KIF13A: variants seen among roughly 807,000 people sequenced by gnomAD.
KIF13A encodes kinesin family member 13A, also known as kinesin-like protein KIF13A.
In KIF13A, 79 loss-of-function variants were observed where a neutral mutation model predicts 212.2. The observed-to-expected ratio is 0.37, with a 90% CI of 0.31 to 0.45. KIF13A has a LOEUF of 0.45. KIF13A is among the 20% of genes least tolerant of loss of function. The probability of loss-of-function intolerance (pLI) is 1.00; values close to 1 mark genes in which losing one functional copy is unlikely to be tolerated. For synonymous variants in KIF13A, 789 were observed against 808.6 expected (o/e 0.98, Z 0.41); for missense variants, 1,901 against 2,209.0 (o/e 0.86, Z 2.79).
In KIF13A at chr6:17,850,496, CA is replaced by C. The variant is rs765217941; in HGVS notation, c.583-40del. The C allele has an allele frequency of 4.4e-6, 7 of 1,579,776 alleles. No individual in the cohort carries two copies. In the Admixed American group the frequency reaches 5.5e-5, roughly 12 times the overall value. On this transcript the variant is annotated intron_variant, in intron 7 of 38. Transcript: ENST00000259711. This position sits in a 1 kb window ranked among gnomAD's most constrained non-coding sequence, Gnocchi z 6.2. Reference sequence around the variant, plus strand: ...ATAAGGAAAAGACCATAAGCAAAAACACAAGAATGTAGTCCTGCACACCAGG... The same window carrying C: ...ATAAGGAAAAGACCATAAGCAAAAACCAAGAATGTAGTCCTGCACACCAGG...
At chr6:17,949,153 T>C (rs1777661098) in intron 2 of KIF13A, among the ~76,000 whole-genome samples, 1 of 152,164 alleles carries the variant, frequency 6.6e-6, no homozygotes, top group African/African-American at 2.4e-5. Context: ...CATTACAAAT[T>C]TGCATTAGTC....
In KIF13A at chr6:17,828,284, A is replaced by G. The variant is rs750528361; in HGVS notation, c.1488T>C (p.Ile496=). ...TGAGAGTGACGTCTCCATCAGATGC[A>G]ATGTCAATCTCACAGTGCTGAGGCT... The part of the protein sequence containing the change: ...GIQPQHCEID[I]ASDGDVTLTP... The change falls in exon 14 of 39, where the codon ATT becomes ATC. Residue 496 remains isoleucine, a synonymous_variant. Transcript: ENST00000259711. This position sits in a 1 kb window ranked among gnomAD's most constrained non-coding sequence, Gnocchi z 4.3. The G allele has an allele frequency of 8.9e-5, 143 of 1,610,268 alleles. No individual in the cohort carries two copies. Among genetic ancestry groups the G allele is most frequent in the Non-Finnish European group, 1.2e-4 (142 of 1,178,074 alleles).
At chr6:17,911,273 T>C (rs974371062) in intron 2 of KIF13A, among the ~76,000 whole-genome samples, 1 of 152,170 alleles carries the variant, frequency 6.6e-6, no homozygotes, top group African/African-American at 2.4e-5. Context: ...GACTGAGGGG[T>C]GAAACCCAGA....
At position 17,839,004 on chromosome 6, in the gene KIF13A, G is replaced by A. The variant is rs1190140008; in HGVS notation, c.831-1421C>T. On this transcript the variant is annotated intron_variant, in intron 9 of 38. Coordinates refer to ENST00000259711, the MANE Select transcript of KIF13A (RefSeq NM_022113.6). The surrounding 1 kb of genome is among the most constrained non-coding windows in gnomAD (Gnocchi z 4.3). ...CTGGCTGATTTTTGTATTTTTAGTAGAGATGGAGTTTCACAATGTTGCCCA... is the reference window on the plus strand; with the variant it reads ...CTGGCTGATTTTTGTATTTTTAGTAAAGATGGAGTTTCACAATGTTGCCCA... Among the ~76,000 whole-genome samples the A allele has an allele frequency of 6.6e-6, 1 of 152,150 alleles. No homozygotes were observed. The highest frequency in any genetic ancestry group is 1.5e-5 in the Non-Finnish European group (1 of 68,022).
At position 17,776,634 on chromosome 6, in the gene KIF13A, G is replaced by A. The variant is rs1760005193; in HGVS notation, c.4170+643C>T. On this transcript the variant is annotated intron_variant, in intron 34 of 38. Transcript: ENST00000259711. This position sits in a 1 kb window ranked among gnomAD's most constrained non-coding sequence, Gnocchi z 4.6. ...TTTAAATAATTTTCTGGCAATTCTA[G>A]AGAACAGGAAGGCAAATAAGCCTGT... 2.0e-5 allele frequency among the ~76,000 whole-genome samples: 3 copies of A among 152,288 alleles called. No individual in the cohort carries two copies. Among genetic ancestry groups the A allele is most frequent in the African/African-American group, 7.2e-5 (3 of 41,550 alleles).
chr6:17,794,562 A>C lies in KIF13A; in HGVS notation c.3075+10T>G. The stretch of plus-strand genomic sequence containing the variant: ...AAACATTAAAAAAAAACCCAAAACA[A>C]ACTCAGTACCTGTCTAAGTTGAAAG... On this transcript the variant is annotated intron_variant, in intron 24 of 38. Coordinates refer to ENST00000259711, the MANE Select transcript of KIF13A (RefSeq NM_022113.6). The surrounding 1 kb of genome is among the most constrained non-coding windows in gnomAD (Gnocchi z 4.1). 1 of 1,588,620 alleles carries C rather than the reference A, an allele frequency of 6.3e-7. No homozygotes were observed. The highest frequency in any genetic ancestry group is 1.2e-5 in the South Asian group (1 of 85,842).
At chr6:17,870,362 T>C (rs763315101) in intron 4 of KIF13A, among the ~76,000 whole-genome samples, 6 of 152,308 alleles carry the variant, frequency 3.9e-5, no homozygotes, top group Middle Eastern at 3.4e-3. Context: ...TTTTAAAATA[T>C]ATCTGAACTA....
chr6:17,891,232 C>T (rs1267410109), intron 3 of KIF13A, among the ~76,000 whole-genome samples: 1 of 152,106 alleles, frequency 6.6e-6, no homozygotes, highest in African/African-American at 2.4e-5. Context: ...ATGCATGAGG[C>T]TTATGCTGAA....
chr6:17,943,915 G>T (rs897734590), intron 2 of KIF13A, among the ~76,000 whole-genome samples: 2 of 152,124 alleles, frequency 1.3e-5, no homozygotes, highest in African/African-American at 4.8e-5. Flanking sequence ...ATGGAGATCA[G>T]TTCAGAAAGC....
rs1256542925 is a variant in KIF13A, at chr6:17,855,735, T to C, written c.314-118A>G. The C allele has an allele frequency of 3.7e-6, 3 of 801,508 alleles. No individual in the cohort carries two copies. Among genetic ancestry groups the C allele is most frequent in the African/African-American group, 3.5e-5 (2 of 57,274 alleles). 49.6% of individuals were successfully genotyped at this position (801,508 alleles called of 1,614,324 possible). On this transcript the variant is annotated intron_variant, in intron 5 of 38. Coordinates refer to ENST00000259711, the MANE Select transcript of KIF13A (RefSeq NM_022113.6). This position sits in a 1 kb window ranked among gnomAD's most constrained non-coding sequence, Gnocchi z 4.1. ...GTAACATAGCAGAAGAGTGGCCAACTTAGCCTCAAACCCTGTTGCTCAGGC... is the reference window on the plus strand; with the variant it reads ...GTAACATAGCAGAAGAGTGGCCAACCTAGCCTCAAACCCTGTTGCTCAGGC...
intron 2 of KIF13A, among the ~76,000 whole-genome samples, chr6:17,917,706 C>T (rs375186725): frequency 8.5e-5 from 13 of 152,274 alleles, no homozygotes; most frequent in South Asian, 6.2e-4. Context: ...CCCTTAACAA[C>T]GTAGCTAACT....
At chr6:17,779,257 A>ATATATTTT (rs1561961153) in intron 32 of KIF13A, among the ~76,000 whole-genome samples, 158 bp from the exon 33 acceptor site, 8 of 37,844 alleles carry the variant, frequency 2.1e-4, no homozygotes, top group African/African-American at 8.1e-4. Flanking sequence ...ATATATATAT[A>ATATATTTT]TTTTTTTTTT....
intron 2 of KIF13A, among the ~76,000 whole-genome samples, chr6:17,916,940 C>T (rs987840402): frequency 2.0e-5 from 3 of 151,334 alleles, no homozygotes; most frequent in Admixed American, 1.3e-4. Context: ...GTTAAATATT[C>T]GAAACTCATA....
intron 2 of KIF13A, among the ~76,000 whole-genome samples, chr6:17,901,473 A>G (rs1048332129): frequency 6.6e-6 from 1 of 152,222 alleles, no homozygotes; most frequent in African/African-American, 2.4e-5. Context: ...AAACAAAACA[A>G]AACTTAAACT....
At chr6:17,952,713 G>A (rs1777973987) in intron 2 of KIF13A, among the ~76,000 whole-genome samples, 2 of 152,046 alleles carry the variant, frequency 1.3e-5, no homozygotes, top group Non-Finnish European at 2.9e-5. Flanking sequence ...GGCAGATCAC[G>A]AGGTCAGGAG....
chr6:17,873,400 T>G lies in KIF13A; in HGVS notation c.197A>C (p.Glu66Ala), dbSNP rs201865906. 167 of 1,596,166 alleles carry G rather than the reference T, an allele frequency of 1.0e-4. No homozygotes were observed. Among genetic ancestry groups the G allele is most frequent in the Non-Finnish European group, 1.4e-4 (161 of 1,170,704 alleles). ...AFDYCFWSMD[E>A]SNTTKYAGQE... ...ACCAGCGTATTTTGTAGTGTTAGAT[T>G]CATCCATGGACCAAAAGCAATAATC... The change falls in exon 4 of 39, where the codon GAA (glutamate) becomes GCA (alanine). Residue 66 changes from glutamate to alanine, a missense_variant. Glu to Ala is a moderately radical substitution (Grantham distance 107). Around this residue, in one of 5 missense-constraint regions of KIF13A, gnomAD observed 506 missense variants for 637.4 expected, o/e 0.79. Transcript: ENST00000259711.
Position 17,987,247 on chromosome 6 carries a change from G to T in KIF13A, c.56-103C>A. ...CGGGGCTCCGTCCCTGGAGGCGGCCGAGCCTGGAGACGGCGCCCCGGGCAC... is the reference window on the plus strand; with the variant it reads ...CGGGGCTCCGTCCCTGGAGGCGGCCTAGCCTGGAGACGGCGCCCCGGGCAC... On this transcript the variant is annotated intron_variant, in intron 1 of 38. Coordinates refer to ENST00000259711, the MANE Select transcript of KIF13A (RefSeq NM_022113.6). This position sits in a 1 kb window ranked among gnomAD's most constrained non-coding sequence, Gnocchi z 7.7. 1.0e-6 allele frequency: 1 copy of T among 979,368 alleles called. No individual in the cohort carries two copies. Among genetic ancestry groups the T allele is most frequent in the Non-Finnish European group, 1.3e-6 (1 of 740,872 alleles). 60.7% of individuals were successfully genotyped at this position (979,368 alleles called of 1,614,324 possible).
At position 17,918,881 on chromosome 6, in the gene KIF13A, T is replaced by G. The variant is rs1342749148; in HGVS notation, c.147-20701A>C. ...CAGCACCTTTCGCCATGTTAAACCATTTCATTATTTATTTGCTTATTATCC... is the reference window on the plus strand; with the variant it reads ...CAGCACCTTTCGCCATGTTAAACCAGTTCATTATTTATTTGCTTATTATCC... On this transcript the variant is annotated intron_variant, in intron 2 of 38. Transcript: ENST00000259711. This position sits in a 1 kb window ranked among gnomAD's most constrained non-coding sequence, Gnocchi z 4.8. 1.3e-5 allele frequency among the ~76,000 whole-genome samples: 2 copies of G among 152,156 alleles called. No individual in the cohort carries two copies. Among genetic ancestry groups the G allele is most frequent in the Non-Finnish European group, 2.9e-5 (2 of 68,034 alleles).
chr6:17,831,827 T>C (rs965246423), intron 12 of KIF13A, among the ~76,000 whole-genome samples: 2 of 151,056 alleles, frequency 1.3e-5, no homozygotes, highest in African/African-American at 2.4e-5. Context: ...TATTCACTCA[T>C]TCATTCATTC....
Sources: allele counts gnomAD v4.1 joint callset (sites outside exome capture counted in the v4.1 genomes callset), GRCh38; gene constraint gnomAD v4.1.1; regional missense constraint gnomAD v4.1.1; non-coding constraint Gnocchi (gnomAD v3.1); transcripts MANE v1.5; gene names NCBI Gene and HGNC (gene_info 2026-07-23, HGNC 2026-07-21).